Variants in LMBR1 observed in about 807,000 individuals in gnomAD.
The protein encoded by LMBR1 is limb development membrane protein 1, also known as limb region 1 protein homolog.
LMBR1 carries 52 observed loss-of-function variants against 73.9 expected under a neutral mutation model. The ratio of observed to expected loss-of-function variants is 0.70; its 90% confidence interval spans 0.56 to 0.89. The LOEUF is 0.89. Among genes scored for constraint, LMBR1 ranks in the 40% least tolerant of loss-of-function variants. The probability of loss-of-function intolerance (pLI) is 0.00; values close to 1 mark genes in which losing one functional copy is unlikely to be tolerated. For missense variants in LMBR1, 539 were observed against 579.8 expected (o/e 0.93, Z 0.72); for synonymous variants, 215 against 209.4 (o/e 1.03, Z -0.23).
At chr7:156,753,484 T>C (rs939723008) in intron 9 of LMBR1, among the ~76,000 whole-genome samples, 4 of 152,080 alleles carry the variant, frequency 2.6e-5, no homozygotes, top group African/African-American at 7.2e-5. Flanking sequence ...GCCAAGTTTC[T>C]TTGAGCAAGA....
intron 1 of LMBR1, among the ~76,000 whole-genome samples, chr7:156,850,187 G>A (rs1339363582): frequency 2.6e-5 from 4 of 152,090 alleles, no homozygotes; most frequent in Non-Finnish European, 5.9e-5. Flanking sequence ...GTTAGTTACG[G>A]TGAGAGCAGG....
intron 16 of LMBR1, 56 bp from the exon 17 acceptor site, chr7:156,684,219 A>T: frequency 7.4e-7 from 1 of 1,348,664 alleles, no homozygotes; most frequent in South Asian, 1.2e-5. Context: ...TGGCTGGGAA[A>T]GGGTTAGGGT....
intron 10 of LMBR1, among the ~76,000 whole-genome samples, chr7:156,730,676 C>A (rs565465041): frequency 6.3e-4 from 96 of 152,348 alleles, no homozygotes; most frequent in African/African-American, 1.9e-3. Context: ...CGGTGGCTCA[C>A]GCCTGTAATC....
intron 3 of LMBR1, among the ~76,000 whole-genome samples, chr7:156,832,634 A>G (rs1219929801): frequency 6.6e-6 from 1 of 152,226 alleles, no homozygotes; most frequent in African/African-American, 2.4e-5. Flanking sequence ...TTACAGCTGA[A>G]TACTATTCCA....
At chr7:156,847,345 T>C (rs1027777200) in intron 1 of LMBR1, among the ~76,000 whole-genome samples, 15 of 152,134 alleles carry the variant, frequency 9.9e-5, no homozygotes, top group Non-Finnish European at 4.4e-5. Flanking sequence ...TCCTAGAAGA[T>C]AACAAAGGAG....
At chr7:156,791,841 G>A (rs1010477035) in intron 5 of LMBR1, among the ~76,000 whole-genome samples, 2 of 152,100 alleles carry the variant, frequency 1.3e-5, no homozygotes, top group African/African-American at 4.8e-5. Flanking sequence ...TACCTTTTAT[G>A]CTATGACTTC....
chr7:156,852,176 A>G (rs535457003), intron 1 of LMBR1, among the ~76,000 whole-genome samples: 84 of 152,204 alleles, frequency 5.5e-4, no homozygotes, highest in Non-Finnish European at 1.0e-3. Context: ...AAATAATAAT[A>G]TAACAATAAA....
intron 5 of LMBR1, among the ~76,000 whole-genome samples, chr7:156,787,438 A>ATG (rs1828322543): frequency 6.6e-6 from 1 of 152,060 alleles, no homozygotes; most frequent in Non-Finnish European, 1.5e-5. Context: ...TTACAATAGG[A>ATG]TGTGCTGTTT....
chr7:156,679,098 C>T lies in LMBR1; in HGVS notation c.*4980G>A, dbSNP rs1266217514. The T allele has an allele frequency of 1.3e-5, 2 of 152,192 alleles. No individual in the cohort carries two copies. The highest frequency in any genetic ancestry group is 1.5e-5 in the Non-Finnish European group (1 of 68,052). 9.4% of individuals were successfully genotyped at this position (152,192 alleles called of 1,614,324 possible). ...TGGCCTGTATTTACATCCAGTTCAT[C>T]TGCCCACTGTAAGCGTGACCCCAGG... is the stretch of plus-strand genomic sequence containing the variant. On this transcript the variant is annotated 3_prime_UTR_variant, in exon 17 of 17. Coordinates refer to ENST00000353442, the MANE Select transcript of LMBR1 (RefSeq NM_022458.4).
chr7:156,840,964 C>CAA (rs57968006), intron 1 of LMBR1, among the ~76,000 whole-genome samples: 1,428 of 71,202 alleles, frequency 0.02, 24 homozygotes, highest in African/African-American at 0.028. Flanking sequence ...GACTCGGTCT[C>CAA]AAAAAAAAAA....
At chr7:156,870,323 G>A (rs1375830952) in intron 1 of LMBR1, among the ~76,000 whole-genome samples, 2 of 152,100 alleles carry the variant, frequency 1.3e-5, no homozygotes, top group Admixed American at 1.3e-4. Context: ...AACAAAACAA[G>A]CCTTAGCAAA....
chr7:156,699,337 A>G (rs1168428810), intron 15 of LMBR1, among the ~76,000 whole-genome samples: 90 of 152,072 alleles, frequency 5.9e-4, no homozygotes, highest in Admixed American at 5.0e-3. Flanking sequence ...GGTGCTGGGA[A>G]AACTGGCTAG....
intron 5 of LMBR1, among the ~76,000 whole-genome samples, chr7:156,772,458 G>A (rs538868131): frequency 1.4e-4 from 22 of 152,248 alleles, no homozygotes; most frequent in African/African-American, 5.1e-4. Flanking sequence ...TGGAAGCATA[G>A]CCCCTTGAGA....
intron 1 of LMBR1, among the ~76,000 whole-genome samples, chr7:156,878,458 C>CA (rs777971155): frequency 5.9e-5 from 9 of 151,876 alleles, no homozygotes; most frequent in East Asian, 1.9e-4. Context: ...ACAACAGCTG[C>CA]AAAAAAACAA....
intron 1 of LMBR1, among the ~76,000 whole-genome samples, chr7:156,847,360 T>TC (rs1795638772): frequency 6.6e-6 from 1 of 151,862 alleles, no homozygotes; most frequent in African/African-American, 2.4e-5. Context: ...AAGGAGAAAA[T>TC]CTAGATGGCC....
downstream of LMBR1, among the ~76,000 whole-genome samples, chr7:156,677,520 G>A (rs146782151): frequency 1.8e-3 from 267 of 152,278 alleles, 1 homozygote; most frequent in African/African-American, 5.4e-3. Flanking sequence ...GCCATGCTTG[G>A]GAGTGGCGCT....
chr7:156,889,166 G>A (rs1802463122), intron 1 of LMBR1, among the ~76,000 whole-genome samples: 2 of 152,160 alleles, frequency 1.3e-5, no homozygotes, highest in African/African-American at 4.8e-5. Flanking sequence ...ATATTGTATG[G>A]TTCAACTGGG....
At chr7:156,695,722 A>G (rs2131982740) in intron 15 of LMBR1, among the ~76,000 whole-genome samples, 1 of 152,356 alleles carries the variant, frequency 6.6e-6, no homozygotes, top group East Asian at 1.9e-4. Flanking sequence ...CTGGGTGAGG[A>G]CATAGATCCA....
chr7:156,736,394 CT>C (rs1217891237), intron 9 of LMBR1: 8 of 376,054 alleles, frequency 2.1e-5, no homozygotes, highest in Non-Finnish European at 3.7e-5. Context: ...AGCTGATAAA[CT>C]TTATTTTATA....
Sources: gnomAD v4.1 joint callset for allele counts (sites outside exome capture counted in the v4.1 genomes callset) on GRCh38, gnomAD v4.1.1 for gene constraint, MANE v1.5 for transcripts, NCBI Gene and HGNC (gene_info 2026-07-23, HGNC 2026-07-21) for gene names.